The following AATF variants were observed in gnomAD, a reference collection of about 807,000 sequenced individuals.
The protein encoded by AATF is protein AATF.
In AATF, 48 loss-of-function variants were observed where a neutral mutation model predicts 63.7. That is an observed-to-expected ratio of 0.75 (90% confidence interval 0.60 to 0.96). The LOEUF is 0.96. Among genes scored for constraint, AATF ranks in the 40% least tolerant of loss-of-function variants. AATF has a pLI of 0.00. For missense variants in AATF, 639 were observed against 685.7 expected, an observed-to-expected ratio of 0.93 and a Z score of 0.76; for synonymous variants, 258 against 247.7, an observed-to-expected ratio of 1.04 and a Z score of -0.39.
At chr17:37,020,787 T>G in intron 9 of AATF, 147 bp from the exon 10 acceptor site, 1 of 559,676 alleles carries the variant, frequency 1.8e-6, no homozygotes, top group South Asian at 2.8e-5. Flanking sequence ...TTCAATTGAT[T>G]AGTCAGTTTG....
chr17:37,037,772 G>A (rs1163064454), intron 11 of AATF, among the ~76,000 whole-genome samples: 1 of 152,208 alleles, frequency 6.6e-6, no homozygotes, highest in Admixed American at 6.5e-5. Flanking sequence ...AGTGTTGGAG[G>A]TGGGGCCTGG....
At chr17:37,029,710 C>T (rs913464075) in intron 10 of AATF, among the ~76,000 whole-genome samples, 5 of 152,008 alleles carry the variant, frequency 3.3e-5, no homozygotes, top group Admixed American at 3.3e-4. Context: ...GGATTACAGG[C>T]ATGTGCCACC....
chr17:37,020,395 G>T (rs2142288163), intron 9 of AATF, among the ~76,000 whole-genome samples: 1 of 151,712 alleles, frequency 6.6e-6, no homozygotes, highest in Non-Finnish European at 1.5e-5. Flanking sequence ...ATTTATAGAT[G>T]AAATGAAAAT....
At chr17:37,024,694 C>T (rs533934969) in intron 10 of AATF, among the ~76,000 whole-genome samples, 16 of 152,308 alleles carry the variant, frequency 1.1e-4, no homozygotes, top group African/African-American at 3.6e-4. Context: ...CACAGTGGCT[C>T]ACACCTGTAA....
intron 11 of AATF, among the ~76,000 whole-genome samples, chr17:37,035,309 C>G (rs1433245195): frequency 6.6e-6 from 1 of 151,494 alleles, no homozygotes; most frequent in Non-Finnish European, 1.5e-5. Context: ...ACCTCCGCCT[C>G]CTGGGTTCAA....
At chr17:37,004,737 G>C (rs1597721947) in intron 8 of AATF, among the ~76,000 whole-genome samples, 1 of 152,298 alleles carries the variant, frequency 6.6e-6, no homozygotes, top group South Asian at 2.1e-4. Context: ...TTTGAGAAAA[G>C]AGAGGGTAAG....
chr17:37,036,406 A>C (rs552922936), intron 11 of AATF, among the ~76,000 whole-genome samples: 1 of 152,214 alleles, frequency 6.6e-6, no homozygotes, highest in South Asian at 2.1e-4. Context: ...AGGGAGAGAG[A>C]GAGATCTTTA....
intron 8 of AATF, among the ~76,000 whole-genome samples, chr17:37,016,229 C>T (rs967922388): frequency 3.9e-5 from 6 of 152,236 alleles, no homozygotes; most frequent in Admixed American, 3.3e-4. Flanking sequence ...TTATTTTATT[C>T]CTCAACTGTC....
intron 11 of AATF, among the ~76,000 whole-genome samples, chr17:37,048,107 G>GT (rs748717396): frequency 7.2e-5 from 11 of 151,932 alleles, no homozygotes; most frequent in African/African-American, 1.2e-4. Flanking sequence ...GTTTTGGTTT[G>GT]TTTTTTGGTA....
At chr17:37,034,336 G>A (rs932289127) in intron 11 of AATF, among the ~76,000 whole-genome samples, 6 of 152,128 alleles carry the variant, frequency 3.9e-5, no homozygotes, top group African/African-American at 1.4e-4. Context: ...TCTTAAGTAA[G>A]AAGGAAGTAG....
chr17:37,055,645 G>A (rs924777294), intron 11 of AATF: 1 of 152,322 alleles, frequency 6.6e-6, no homozygotes, highest in African/African-American at 2.4e-5. Context: ...AGCCCTGTGT[G>A]CGCCTGCCCT....
chr17:37,054,276 G>A (rs1401772979), intron 11 of AATF, among the ~76,000 whole-genome samples: 3 of 152,194 alleles, frequency 2.0e-5, no homozygotes, highest in African/African-American at 7.2e-5. Context: ...GAGTGGAAGA[G>A]TCAGCCAGGA....
At chr17:37,004,524 A>C (rs1283596367) in intron 8 of AATF, among the ~76,000 whole-genome samples, 2 of 152,038 alleles carry the variant, frequency 1.3e-5, no homozygotes, top group African/African-American at 4.8e-5. Context: ...TTGCAGGAAA[A>C]AGGTAGGAAT....
chr17:36,968,868 T>G (rs1302527548), intron 4 of AATF, among the ~76,000 whole-genome samples: 1 of 152,192 alleles, frequency 6.6e-6, no homozygotes, highest in Non-Finnish European at 1.5e-5. Flanking sequence ...GATCAAGCGA[T>G]CCTTCTGCCT....
chr17:37,033,637 A>C (rs2071568088), intron 11 of AATF: 1 of 154,778 alleles, frequency 6.5e-6, no homozygotes, highest in African/African-American at 2.4e-5. Context: ...GGCCTATAAA[A>C]AATATAAAAC....
chr17:36,977,698 CTGAG>C (rs1186943886), intron 4 of AATF, among the ~76,000 whole-genome samples: 1 of 152,142 alleles, frequency 6.6e-6, no homozygotes. Flanking sequence ...CGCACTCTCC[CTGAG>C]TAACTACTGT....
At chr17:37,054,462 T>C (rs2071780550) in intron 11 of AATF, 1 of 152,242 alleles carries the variant, frequency 6.6e-6, no homozygotes, top group Non-Finnish European at 1.5e-5. Context: ...TAATCCCCTA[T>C]TGATATTCTC....
chr17:37,007,603 G>A (rs1023392639), intron 8 of AATF, among the ~76,000 whole-genome samples: 2 of 152,086 alleles, frequency 1.3e-5, no homozygotes, highest in Non-Finnish European at 2.9e-5. Context: ...CTGCCTGCAA[G>A]AAGCTCATAG....
In AATF at chr17:36,989,272, T is replaced by A; in HGVS notation, c.1175T>A (p.Ile392Asn). 2.5e-6 allele frequency: 4 copies of A among 1,613,494 alleles called. No homozygotes were observed. The highest frequency in any genetic ancestry group is 3.4e-6 in the Non-Finnish European group (4 of 1,179,636). Residue 392 changes from isoleucine to asparagine, a missense_variant, in exon 7 of 12, where the codon ATC becomes AAC. Physicochemically the swap from Ile to Asn is moderately radical, Grantham distance 149. Coordinates refer to ENST00000619387, the MANE Select transcript of AATF (RefSeq NM_012138.4). Reference sequence around the variant, plus strand: ...GGTTTTGGTGCCTTTGAACGCTCAATCTTGACTCAGATCGACCATATTCTG... The same window carrying A: ...GGTTTTGGTGCCTTTGAACGCTCAAACTTGACTCAGATCGACCATATTCTG... Reference protein sequence around the residue: ...GKGFGAFERSILTQIDHILMD... With the variant: ...GKGFGAFERSNLTQIDHILMD...
Sources: allele counts gnomAD v4.1 joint callset (sites outside exome capture counted in the v4.1 genomes callset), GRCh38; gene constraint gnomAD v4.1.1; transcripts MANE v1.5; gene names NCBI Gene and HGNC (gene_info 2026-07-23, HGNC 2026-07-21).